PRKCA: variants seen among roughly 807,000 people sequenced by gnomAD.
PRKCA encodes the protein protein kinase C alpha.
PRKCA carries 27 observed loss-of-function variants against 87.0 expected under a neutral mutation model. That is an observed-to-expected ratio of 0.31 (90% confidence interval 0.23 to 0.43). PRKCA has a LOEUF of 0.43. PRKCA is among the 20% of genes least tolerant of loss of function. The probability of loss-of-function intolerance (pLI) is 1.00; values close to 1 mark genes in which losing one functional copy is unlikely to be tolerated. For missense variants in PRKCA, 518 were observed against 852.3 expected, an observed-to-expected ratio of 0.61 and a Z score of 4.88; for synonymous variants, 329 against 311.1, an observed-to-expected ratio of 1.06 and a Z score of -0.61.
chr17:66,778,954 A>G lies in PRKCA; in HGVS notation c.1605+4887A>G, dbSNP rs146210860. Among the ~76,000 whole-genome samples the G allele has an allele frequency of 3.1e-3, 476 of 152,146 alleles. 18 individuals carry two copies. The East Asian group carries it at 0.08, about 26-fold the overall frequency. ...TCTAAATCTCCACCTCACCCGCCTCAAACACAGTGTTTTCATTCAAATCCC... is the reference window on the plus strand; with the variant it reads ...TCTAAATCTCCACCTCACCCGCCTCGAACACAGTGTTTTCATTCAAATCCC... On this transcript the variant is annotated intron_variant, in intron 14 of 16. Transcript: ENST00000413366.
At chr17:66,437,152 T>C (rs1026433340) in intron 2 of PRKCA, among the ~76,000 whole-genome samples, 1 of 152,130 alleles carries the variant, frequency 6.6e-6, no homozygotes, top group Non-Finnish European at 1.5e-5. Context: ...CAGGAATGCA[T>C]GTGGGAGACC....
chr17:66,479,998 T>TA (rs5821521), intron 2 of PRKCA, among the ~76,000 whole-genome samples: 155 of 144,800 alleles, frequency 1.1e-3, no homozygotes, highest in East Asian at 5.7e-3. Context: ...CCCCTGAACT[T>TA]AAAAAAAAAA....
intron 2 of PRKCA, among the ~76,000 whole-genome samples, chr17:66,462,925 A>AAC (rs58085398): frequency 0.035 from 5,139 of 147,556 alleles, 99 homozygotes; most frequent in Middle Eastern, 0.048. Context: ...CACACATGCA[A>AAC]ACACACACAC....
At chr17:66,332,621 A>G (rs1400037554) in intron 2 of PRKCA, among the ~76,000 whole-genome samples, 2 of 152,008 alleles carry the variant, frequency 1.3e-5, no homozygotes, top group Non-Finnish European at 2.9e-5. Flanking sequence ...GACTCTGTTG[A>G]CCATCATCCA....
At chr17:66,424,981 C>T (rs556070812) in intron 2 of PRKCA, among the ~76,000 whole-genome samples, 6 of 152,100 alleles carry the variant, frequency 3.9e-5, no homozygotes, top group East Asian at 1.9e-4. Context: ...AGGCTGGTCT[C>T]GAACTCCTGG....
rs1179113533 is a variant in PRKCA at position 66,774,233 on chromosome 17, A to G, written c.1605+166A>G. ...AGAAACGCCCCCTTCAAAGTGGATC[A>G]CGTTCAGTATGCACAGAAATTATCT... On this transcript the variant is annotated intron_variant, in intron 14 of 16. Transcript: ENST00000413366. 15 of 1,479,862 alleles carry G rather than the reference A, an allele frequency of 1.0e-5. No homozygotes were observed. In the East Asian group the frequency reaches 3.5e-4, roughly 35 times the overall value. The allele number at this position is 1,479,862 out of a possible 1,614,324, so 91.7% of individuals were successfully genotyped here.
chr17:66,405,552 G>GA (rs933568569), intron 2 of PRKCA, among the ~76,000 whole-genome samples: 6 of 151,668 alleles, frequency 4.0e-5, no homozygotes, highest in East Asian at 3.9e-4. Flanking sequence ...ATAATAGGGA[G>GA]AAAAAAAAAA....
intron 2 of PRKCA, among the ~76,000 whole-genome samples, chr17:66,417,334 G>A (rs1252730347): frequency 2.6e-5 from 4 of 152,006 alleles, no homozygotes; most frequent in African/African-American, 9.7e-5. Context: ...CCACAAAACT[G>A]TCTGGCTAGT....
intron 14 of PRKCA, chr17:66,777,792 G>C: frequency 1.0e-6 from 1 of 985,324 alleles, no homozygotes; most frequent in African/African-American, 1.7e-5. Flanking sequence ...TTCCGAGGGC[G>C]CTTTACAAGA....
chr17:66,367,569 G>A (rs1165993493), intron 2 of PRKCA, among the ~76,000 whole-genome samples: 1 of 152,186 alleles, frequency 6.6e-6, no homozygotes, highest in African/African-American at 2.4e-5. Flanking sequence ...CTGTTACACT[G>A]TTGCATTCTA....
chr17:66,452,076 T>C (rs1234821909), intron 2 of PRKCA, among the ~76,000 whole-genome samples: 66 of 152,198 alleles, frequency 4.3e-4, no homozygotes, highest in Non-Finnish European at 4.4e-5. Flanking sequence ...AAGCCGTGTA[T>C]GGCCCCTCCA....
chr17:66,717,710 G>A (rs1004435152), intron 8 of PRKCA, among the ~76,000 whole-genome samples: 11 of 152,204 alleles, frequency 7.2e-5, no homozygotes, highest in African/African-American at 1.7e-4. Flanking sequence ...GCACTGCCAC[G>A]AAGCGGCGCA....
chr17:66,667,655 C>T (rs1220371428), intron 5 of PRKCA, among the ~76,000 whole-genome samples: 1 of 152,170 alleles, frequency 6.6e-6, no homozygotes, highest in Non-Finnish European at 1.5e-5. Context: ...CAAGGAACCA[C>T]ATTCAAAAGC....
intron 8 of PRKCA, among the ~76,000 whole-genome samples, chr17:66,729,222 C>A (rs891138629): frequency 1.3e-5 from 2 of 151,884 alleles, no homozygotes; most frequent in South Asian, 4.2e-4. Context: ...GCCAACACAG[C>A]GAAACCCCAT....
At position 66,747,582 on chromosome 17, in the gene PRKCA, T is replaced by G. The variant is rs539633454; in HGVS notation, c.1524+4822T>G. On this transcript the variant is annotated intron_variant, in intron 13 of 16. Coordinates refer to ENST00000413366, the MANE Select transcript of PRKCA (RefSeq NM_002737.3). Reference sequence around the variant, plus strand: ...GTCACATAGCTGGTAAGAGCAAAGGTGGGATTTGGATCCGAGATGTTCTGA... The same window carrying G: ...GTCACATAGCTGGTAAGAGCAAAGGGGGGATTTGGATCCGAGATGTTCTGA... Among the ~76,000 whole-genome samples, 7 of 152,306 alleles carry G rather than the reference T, an allele frequency of 4.6e-5. No individual in the cohort carries two copies. In the East Asian group the frequency reaches 9.7e-4, roughly 21 times the overall value.
At chr17:66,378,062 C>T (rs1909574134) in intron 2 of PRKCA, among the ~76,000 whole-genome samples, 1 of 152,148 alleles carries the variant, frequency 6.6e-6, no homozygotes, top group Non-Finnish European at 1.5e-5. Flanking sequence ...GTGGCTTACG[C>T]CTGTAATCCC....
chr17:66,755,227 A>C (rs183388204), intron 13 of PRKCA, among the ~76,000 whole-genome samples: 1 of 152,268 alleles, frequency 6.6e-6, no homozygotes, highest in African/African-American at 2.4e-5. Flanking sequence ...GATCGCAGAA[A>C]ATCGCACCCC....
intron 5 of PRKCA, among the ~76,000 whole-genome samples, chr17:66,662,334 T>C (rs1971929110): frequency 6.6e-6 from 1 of 152,196 alleles, no homozygotes; most frequent in Non-Finnish European, 1.5e-5. Context: ...ACTCATGGGC[T>C]CTACAACATT....
intron 10 of PRKCA, among the ~76,000 whole-genome samples, chr17:66,737,074 C>T (rs961453294): frequency 2.6e-5 from 4 of 152,050 alleles, no homozygotes; most frequent in East Asian, 1.9e-4. Context: ...CAGACATGGC[C>T]GGGCGCGGTG....
Sources: allele counts gnomAD v4.1 joint callset (sites outside exome capture counted in the v4.1 genomes callset), GRCh38; gene constraint gnomAD v4.1.1; transcripts MANE v1.5; gene names NCBI Gene and HGNC (gene_info 2026-07-23, HGNC 2026-07-21).